The following RPL5 variants were observed in gnomAD, a reference collection of about 807,000 sequenced individuals.
The protein encoded by RPL5 is large ribosomal subunit protein uL18.
A neutral mutation model predicts 38.4 loss-of-function variants in RPL5; 1 was observed. That is an observed-to-expected ratio of 0.03 (90% CI 0.01 to 0.12). The LOEUF (loss-of-function observed/expected upper bound fraction) is 0.12. Ranked by LOEUF, RPL5 falls within the 10% of genes least tolerant of loss-of-function variation. RPL5 has a pLI of 1.00. For synonymous variants in RPL5, 109 were observed against 121.2 expected (o/e 0.90, Z 0.66); for missense variants, 243 against 374.1 (o/e 0.65, Z 2.89).
chr1:92,836,021 T>TA (rs912957957), intron 4 of RPL5, among the ~76,000 whole-genome samples, 169 bp from the exon 5 acceptor site: 37 of 152,178 alleles, frequency 2.4e-4, no homozygotes, highest in African/African-American at 8.4e-4. Context: ...GTTTTTTTTT[T>TA]AAATAGCATT....
At chr1:92,836,520 T>G (rs1687135265) in intron 5 of RPL5, 128 bp downstream of exon 5, 1 of 819,546 alleles carries the variant, frequency 1.2e-6, no homozygotes, top group African/African-American at 1.7e-5. Flanking sequence ...CTAGGTACCA[T>G]GCAGGAGGAA....
In RPL5 at chr1:92,832,050, C is replaced by T. The variant is rs372984365; in HGVS notation, c.-65C>T. 1.9e-5 allele frequency: 30 copies of T among 1,609,184 alleles called. No individual in the cohort carries two copies. In the African/African-American group the frequency reaches 3.2e-4, roughly 17 times the overall value. On this transcript the variant is annotated 5_prime_UTR_variant, in exon 1 of 8. Transcript: ENST00000370321. ...CGCAAGGGCTGTGGCCCTTTTCCCA[C>T]CCCCTAGCGCCGCTGGGCCTGCAGG...
intron 4 of RPL5, among the ~76,000 whole-genome samples, chr1:92,835,616 C>T (rs753673291): frequency 8.8e-5 from 13 of 147,180 alleles, no homozygotes; most frequent in African/African-American, 2.3e-4. Context: ...GCTGAGATCA[C>T]GCCATTGCAC....
At chr1:92,834,987 C>T in intron 4 of RPL5, 74 bp downstream of exon 4, 1 of 1,587,776 alleles carries the variant, frequency 6.3e-7, no homozygotes, top group Admixed American at 1.7e-5. Context: ...GATGTTTGTA[C>T]ATGGATAAGA....
chr1:92,837,290 C>G (rs1346275836), intron 5 of RPL5, 166 bp from the exon 6 acceptor site: 1 of 780,584 alleles, frequency 1.3e-6, no homozygotes, highest in African/African-American at 1.7e-5. Context: ...AGATGAGCTG[C>G]TGAATGATGA....
rs1272308261 is a variant in RPL5 at position 92,834,809 on chromosome 1, A to G, written c.220A>G (p.Ile74Val). Residue 74 changes from isoleucine to valine, a missense_variant, in exon 4 of 8, where the codon ATA becomes GTA. Physicochemically the swap from Ile to Val is conservative, Grantham distance 29 (BLOSUM62 3). Coordinates refer to ENST00000370321, the MANE Select transcript of RPL5 (RefSeq NM_000969.5). ...TTATGCCCGTATAGAGGGGGATATG[A>G]TAGTCTGCGCAGCGTATGCACACGA... Reference protein sequence around the residue: ...IAYARIEGDMIVCAAYAHELP... With the variant: ...IAYARIEGDMVVCAAYAHELP... 9.9e-6 allele frequency: 16 copies of G among 1,613,238 alleles called. No homozygotes were observed. The highest frequency in any genetic ancestry group is 1.7e-5 in the Admixed American group (1 of 60,000).
At chr1:92,834,687 A>G (rs576792738) in intron 3 of RPL5, 92 bp from the exon 4 acceptor site, 2 of 1,529,522 alleles carry the variant, frequency 1.3e-6, no homozygotes, top group Admixed American at 1.7e-5. Context: ...ATCTGTGTCC[A>G]TCAATGTTTT....
At position 92,841,921 on chromosome 1, in the gene RPL5, A is replaced by G; in HGVS notation, c.*56A>G. ...ATAGATAATAAACTTATGAACAGCA[A>G]CTATTTCTGTGTTAAGCTCTTATTC... On this transcript the variant is annotated 3_prime_UTR_variant, in exon 8 of 8. Transcript: ENST00000370321. The G allele has an allele frequency of 1.5e-6, 2 of 1,343,232 alleles. No homozygotes were observed. The highest frequency in any genetic ancestry group is 2.1e-6 in the Non-Finnish European group (2 of 944,760). The allele number at this position is 1,343,232 out of a possible 1,614,324, so 83.2% of individuals were successfully genotyped here.
At chr1:92,832,035 G>A (rs1315942242), upstream of RPL5, 7 of 1,599,958 alleles carry the variant, frequency 4.4e-6, no homozygotes, top group African/African-American at 4.0e-5. Flanking sequence ...CGCAAGGGCT[G>A]TGGCCCTTTT....
At chr1:92,833,199 T>C (rs1854797) in intron 1 of RPL5, 190 bp from the exon 2 acceptor site, 158,806 of 649,854 alleles carry the variant, frequency 0.24, 21,125 homozygotes, top group African/African-American at 0.33. Context: ...ATGAAACTAC[T>C]AGTCTGTGAC....
Position 92,832,888 on chromosome 1 carries a change from G to A in RPL5, c.4-501G>A, listed in dbSNP as rs1179455251. 1.9e-5 allele frequency: 12 copies of A among 645,760 alleles called. No homozygotes were observed. In the Admixed American group the frequency reaches 2.3e-4, roughly 12 times the overall value. 40.0% of individuals were successfully genotyped at this position (645,760 alleles called of 1,614,324 possible). ...TTAGGCTTTTGAAAAACATAACATGGGAAGCGAGAGAGGTACGTAGTTGTT... is the reference window on the plus strand; with the variant it reads ...TTAGGCTTTTGAAAAACATAACATGAGAAGCGAGAGAGGTACGTAGTTGTT... On this transcript the variant is annotated intron_variant, in intron 1 of 7. Coordinates refer to ENST00000370321, the MANE Select transcript of RPL5 (RefSeq NM_000969.5).
At position 92,835,102 on chromosome 1, in the gene RPL5, A is replaced by G. The variant is rs1034779027; in HGVS notation, c.324+189A>G. 12 of 769,102 alleles carry G rather than the reference A, an allele frequency of 1.6e-5. No homozygotes were observed. The African/African-American group carries it at 1.7e-4, about 11-fold the overall frequency. The allele number at this position is 769,102 out of a possible 1,614,324, so 47.6% of individuals were successfully genotyped here. On this transcript the variant is annotated intron_variant, in intron 4 of 7. Coordinates refer to ENST00000370321, the MANE Select transcript of RPL5 (RefSeq NM_000969.5). ...CAATAAAATTTTCTGCAATGACACAAATCTGTAATTTGCTGTCCAGTGGTT... is the reference window on the plus strand; with the variant it reads ...CAATAAAATTTTCTGCAATGACACAGATCTGTAATTTGCTGTCCAGTGGTT...
Position 92,832,069 on chromosome 1 carries a change from C to A in RPL5, c.-46C>A, listed in dbSNP as rs376208311. The stretch of plus-strand genomic sequence containing the variant: ...TTCCCACCCCCTAGCGCCGCTGGGC[C>A]TGCAGGTCTCTGTCGAGCAGCGGAC... On this transcript the variant is annotated 5_prime_UTR_variant, in exon 1 of 8. It adds an upstream start codon to the 5' untranslated region. Coordinates refer to ENST00000370321, the MANE Select transcript of RPL5 (RefSeq NM_000969.5). 1.2e-6 allele frequency: 2 copies of A among 1,613,522 alleles called. No homozygotes were observed. The highest frequency in any genetic ancestry group is 1.1e-5 in the South Asian group (1 of 90,954).
At chr1:92,833,090 A>G in intron 1 of RPL5, 2 of 708,522 alleles carry the variant, frequency 2.8e-6, no homozygotes, top group African/African-American at 1.7e-5. Flanking sequence ...AAAGCAATAT[A>G]ACAATAATTT....
chr1:92,834,446 C>A (rs1019334820), intron 3 of RPL5, among the ~76,000 whole-genome samples: 1 of 152,146 alleles, frequency 6.6e-6, no homozygotes, highest in Non-Finnish European at 1.5e-5. Flanking sequence ...TATTTTGCAG[C>A]AGGTAGGCAC....
chr1:92,834,147 C>G (rs1053721872), intron 3 of RPL5, among the ~76,000 whole-genome samples: 3 of 152,128 alleles, frequency 2.0e-5, no homozygotes, highest in Admixed American at 6.5e-5. Context: ...GAAGTTCTTG[C>G]CCATCCCAAT....
At chr1:92,837,918 C>A in intron 6 of RPL5, 1 of 422,020 alleles carries the variant, frequency 2.4e-6, no homozygotes. Flanking sequence ...AGATAATAAA[C>A]TTCACTTATT....
intron 3 of RPL5, among the ~76,000 whole-genome samples, chr1:92,834,576 A>G (rs1687043160): frequency 6.6e-6 from 1 of 152,234 alleles, no homozygotes; most frequent in Non-Finnish European, 1.5e-5. Flanking sequence ...TGTTTAGTTC[A>G]AAAGATGATT....
intron 1 of RPL5, among the ~76,000 whole-genome samples, chr1:92,832,484 AG>A (rs535306305): frequency 2.6e-5 from 4 of 151,994 alleles, no homozygotes; most frequent in South Asian, 2.1e-4. Context: ...GCCAGAATGG[AG>A]GGGGGCTGCA....
Sources: allele counts gnomAD v4.1 joint callset (sites outside exome capture counted in the v4.1 genomes callset), GRCh38; gene constraint gnomAD v4.1.1; transcripts MANE v1.5; gene names NCBI Gene and HGNC (gene_info 2026-07-23, HGNC 2026-07-21).